Variants in AGBL3 observed in about 807,000 individuals in gnomAD.
AGBL3 encodes the protein cytosolic carboxypeptidase 3.
A neutral mutation model predicts 94.5 loss-of-function variants in AGBL3; 68 were observed. The ratio of observed to expected loss-of-function variants is 0.72; its 90% CI spans 0.59 to 0.88. AGBL3 has a LOEUF of 0.88. Among genes scored for constraint, AGBL3 ranks in the 40% least tolerant of loss-of-function variants. AGBL3 has a pLI of 0.00. For synonymous variants in AGBL3, 354 were observed against 370.7 expected, an observed-to-expected ratio of 0.95 and a Z score of 0.52; for missense variants, 934 against 1,103.8, an observed-to-expected ratio of 0.85 and a Z score of 2.18.
At chr7:135,112,120 A>C (rs187939416) in intron 15 of AGBL3, among the ~76,000 whole-genome samples, 1 of 152,306 alleles carries the variant, frequency 6.6e-6, no homozygotes, top group East Asian at 1.9e-4. Context: ...CTACCTCTAA[A>C]GATTCTCTTG....
At chr7:134,998,039 TCAATTTTCCAATA>T (rs1403702838) in intron 4 of AGBL3, among the ~76,000 whole-genome samples, 1 of 152,230 alleles carries the variant, frequency 6.6e-6, no homozygotes. Flanking sequence ...AGGCCGTGAT[TCAATTTTCCAATA>T]CATTTGATCA....
intron 7 of AGBL3, 35 bp from the exon 8 acceptor site, chr7:135,037,383 G>A (rs1249765460): frequency 6.6e-7 from 1 of 1,511,028 alleles, no homozygotes; most frequent in Non-Finnish European, 8.8e-7. Flanking sequence ...AAAATGCAGA[G>A]ATAAAAGTTA....
At chr7:135,132,587 A>G (rs1828925363) in intron 16 of AGBL3, among the ~76,000 whole-genome samples, 1 of 152,168 alleles carries the variant, frequency 6.6e-6, no homozygotes, top group African/African-American at 2.4e-5. Context: ...CTTTAATTGT[A>G]ATAATCCCCA....
chr7:135,054,657 A>C (rs1818178499), intron 11 of AGBL3, among the ~76,000 whole-genome samples: 1 of 152,224 alleles, frequency 6.6e-6, no homozygotes, highest in African/African-American at 2.4e-5. Flanking sequence ...AAAAAGGAAA[A>C]TATTTAATGG....
intron 3 of AGBL3, 118 bp downstream of exon 3, chr7:134,989,428 G>A: frequency 2.9e-6 from 2 of 700,054 alleles, no homozygotes; most frequent in Non-Finnish European, 4.4e-6. Flanking sequence ...CTAGTAGATT[G>A]TGAAAGAGAA....
At chr7:135,036,134 C>G (rs1223391817) in intron 7 of AGBL3, among the ~76,000 whole-genome samples, 1 of 151,852 alleles carries the variant, frequency 6.6e-6, no homozygotes, top group Non-Finnish European at 1.5e-5. Flanking sequence ...AATACTATTG[C>G]TAACATTTTG....
intron 15 of AGBL3, among the ~76,000 whole-genome samples, 173 bp from the exon 16 acceptor site, chr7:135,115,201 TTTATCA>T (rs1158813839): frequency 6.6e-6 from 1 of 152,212 alleles, no homozygotes; most frequent in Admixed American, 6.5e-5. Flanking sequence ...TCCCGTAAAC[TTTATCA>T]TTATCTAACA....
At chr7:135,033,972 AT>A (rs2116443409) in intron 6 of AGBL3, among the ~76,000 whole-genome samples, 176 bp from the exon 7 acceptor site, 1 of 152,358 alleles carries the variant, frequency 6.6e-6, no homozygotes, top group South Asian at 2.1e-4. Context: ...TTCTCATCCA[AT>A]AAAAGGGAAA....
At chr7:135,046,639 C>T (rs9918616) in intron 11 of AGBL3, among the ~76,000 whole-genome samples, 73,723 of 151,866 alleles carry the variant, frequency 0.49, 18,260 homozygotes, top group South Asian at 0.66. Flanking sequence ...CATGTCTTTT[C>T]GTGGCTTAAA....
chr7:135,102,696 T>A (rs1824030383), intron 15 of AGBL3, among the ~76,000 whole-genome samples: 1 of 151,570 alleles, frequency 6.6e-6, no homozygotes, highest in Non-Finnish European at 1.5e-5. Flanking sequence ...CATAAAATGA[T>A]CATCTATTTG....
intron 5 of AGBL3, among the ~76,000 whole-genome samples, chr7:135,026,248 T>TTTTATTTTATTTTATTTTATTTTA (rs1554497710): frequency 0.22 from 25,004 of 112,386 alleles, 3,974 homozygotes; most frequent in South Asian, 0.43. Flanking sequence ...AATACCATTA[T>TTTTATTTTATTTTATTTTATTTTA]TTTATTTTAT....
At chr7:135,073,147 T>A (rs1820102801) in intron 12 of AGBL3, among the ~76,000 whole-genome samples, 3 of 151,610 alleles carry the variant, frequency 2.0e-5, no homozygotes, top group Non-Finnish European at 4.4e-5. Context: ...TTACCAGGGG[T>A]CGGGGAGATG....
At chr7:135,045,715 GT>G in intron 10 of AGBL3, 83 bp from the exon 11 acceptor site, 1 of 1,320,328 alleles carries the variant, frequency 7.6e-7, no homozygotes, top group Non-Finnish European at 1.0e-6. Flanking sequence ...AGTAACAATT[GT>G]TCCAGGTGTC....
chr7:135,048,259 T>C (rs1265451311), intron 11 of AGBL3, among the ~76,000 whole-genome samples: 1 of 151,918 alleles, frequency 6.6e-6, no homozygotes, highest in Non-Finnish European at 1.5e-5. Context: ...CTTTGTAATA[T>C]TAATTTGAAA....
chr7:135,059,266 A>C (rs1340933560), intron 12 of AGBL3, 31 bp downstream of exon 12: 2 of 1,511,554 alleles, frequency 1.3e-6, no homozygotes, highest in Non-Finnish European at 9.0e-7. Context: ...TTATATGTGG[A>C]TATGCTGTGT....
chr7:135,130,357 T>C lies in AGBL3; in HGVS notation c.2343-4484T>C, dbSNP rs979938206. Among the ~76,000 whole-genome samples, 6 of 152,194 alleles carry C rather than the reference T, an allele frequency of 3.9e-5. 1 individual carries two copies. The highest frequency in any genetic ancestry group is 1.4e-4 in the African/African-American group (6 of 41,462). ...GCACTTGATATTTATTAATGGTGTATATGCTCCACTGGTTTCAGGGCAAAT... is the reference window on the plus strand; with the variant it reads ...GCACTTGATATTTATTAATGGTGTACATGCTCCACTGGTTTCAGGGCAAAT... On this transcript the variant is annotated intron_variant, in intron 16 of 16. Coordinates refer to ENST00000436302, the MANE Select transcript of AGBL3 (RefSeq NM_178563.4).
chr7:135,121,654 A>G (rs1827148520), intron 16 of AGBL3, among the ~76,000 whole-genome samples: 2 of 152,178 alleles, frequency 1.3e-5, no homozygotes, highest in African/African-American at 4.8e-5. Flanking sequence ...ATGGCTGACT[A>G]GAAACAGCGG....
At chr7:134,991,996 T>G (rs942588164) in intron 3 of AGBL3, among the ~76,000 whole-genome samples, 24 of 152,362 alleles carry the variant, frequency 1.6e-4, no homozygotes, top group South Asian at 6.2e-4. Context: ...ACTTTTCAAA[T>G]TCTTCAGATA....
chr7:135,053,858 A>G (rs1035689196), intron 11 of AGBL3, among the ~76,000 whole-genome samples: 2 of 152,230 alleles, frequency 1.3e-5, no homozygotes, highest in Non-Finnish European at 1.5e-5. Context: ...AATGTCTTCG[A>G]TTTTAAGAAG....
Sources: allele counts gnomAD v4.1 joint callset (sites outside exome capture counted in the v4.1 genomes callset), GRCh38; gene constraint gnomAD v4.1.1; transcripts MANE v1.5; gene names NCBI Gene and HGNC (gene_info 2026-07-23, HGNC 2026-07-21).